The following UBXN2B variants were observed in gnomAD, a reference collection of about 807,000 sequenced individuals.
UBXN2B encodes UBX domain-containing protein 2B.
UBXN2B carries 19 observed loss-of-function variants against 37.5 expected under a neutral mutation model. The ratio of observed to expected loss-of-function variants is 0.51; its 90% CI spans 0.35 to 0.74. The LOEUF (loss-of-function observed/expected upper bound fraction) is 0.74, where lower values mean the gene tolerates loss of function less well. Ranked by LOEUF, UBXN2B falls within the 30% of genes least tolerant of loss-of-function variation. UBXN2B has a pLI of 0.01. For synonymous variants in UBXN2B, 145 were observed against 143.8 expected (o/e 1.01, Z -0.06); for missense variants, 370 against 393.2 (o/e 0.94, Z 0.50).
intron 7 of UBXN2B, 93 bp from the exon 8 acceptor site, chr8:58,447,296 T>G (rs1808704312): frequency 2.5e-6 from 3 of 1,213,542 alleles, no homozygotes; most frequent in Admixed American, 5.1e-5. Context: ...ATATAAAGAT[T>G]AAAATTTTGT....
chr8:58,447,067 G>T (rs1399200544), intron 7 of UBXN2B, among the ~76,000 whole-genome samples: 1 of 151,696 alleles, frequency 6.6e-6, no homozygotes, highest in Non-Finnish European at 1.5e-5. Context: ...CCAAAGTGCT[G>T]GAATTACAGG....
At chr8:58,433,023 ATTTT>A (rs1808322331) in intron 3 of UBXN2B, 133 bp from the exon 4 acceptor site, 3 of 579,400 alleles carry the variant, frequency 5.2e-6, no homozygotes, top group Non-Finnish European at 9.0e-6. Context: ...TCTTATGGTA[ATTTT>A]GGTTCTTGAA....
intron 6 of UBXN2B, 36 bp from the exon 7 acceptor site, chr8:58,445,871 A>T (rs1311681689): frequency 1.3e-6 from 2 of 1,535,324 alleles, no homozygotes; most frequent in African/African-American, 2.8e-5. Context: ...CATATATTTT[A>T]CACATTCAGA....
intron 2 of UBXN2B, chr8:58,424,694 G>GT (rs1808030903): frequency 7.5e-7 from 1 of 1,333,368 alleles, no homozygotes; most frequent in African/African-American, 1.5e-5. Flanking sequence ...AGGCGGGGGG[G>GT]GGGGCTCTGA....
At chr8:58,425,836 C>T in intron 2 of UBXN2B, 1 of 1,167,826 alleles carries the variant, frequency 8.6e-7, no homozygotes, top group Non-Finnish European at 1.3e-6. Context: ...CATCGTATTT[C>T]AGTTCCTGAC....
chr8:58,432,371 A>ATTT (rs1585609802), intron 3 of UBXN2B, among the ~76,000 whole-genome samples: 5 of 81,506 alleles, frequency 6.1e-5, no homozygotes, highest in East Asian at 3.9e-4. Flanking sequence ...ACCTTTCTAA[A>ATTT]TTTCTTTTTT....
Position 58,449,538 on chromosome 8 carries a change from T to C in UBXN2B, c.*1987T>C, listed in dbSNP as rs1236683120. ...GGACATAATTCCAACTGTGCACTTG[T>C]GAACCTAGAAAACAAGTTATCTGTT... On this transcript the variant is annotated 3_prime_UTR_variant, in exon 8 of 8. Coordinates refer to ENST00000399598, the MANE Select transcript of UBXN2B (RefSeq NM_001077619.2). 1 of 152,206 alleles carries C rather than the reference T, an allele frequency of 6.6e-6. No homozygotes were observed. The highest frequency in any genetic ancestry group is 1.5e-5 in the Non-Finnish European group (1 of 68,038). 9.4% of individuals were successfully genotyped at this position (152,206 alleles called of 1,614,324 possible).
chr8:58,412,283 A>G (rs1807658640), intron 1 of UBXN2B, among the ~76,000 whole-genome samples: 1 of 152,216 alleles, frequency 6.6e-6, no homozygotes, highest in African/African-American at 2.4e-5. Flanking sequence ...ACCACCATCC[A>G]TTGTAACATA....
chr8:58,435,428 G>A (rs957986001), intron 5 of UBXN2B, among the ~76,000 whole-genome samples: 6 of 152,182 alleles, frequency 3.9e-5, no homozygotes, highest in Non-Finnish European at 7.3e-5. Context: ...GTATGCTGAA[G>A]GCATTGGGAA....
chr8:58,424,931 C>G (rs766242851), intron 2 of UBXN2B: 11 of 434,610 alleles, frequency 2.5e-5, no homozygotes, highest in Admixed American at 1.5e-4. Context: ...ACACCTTTCT[C>G]TCTGTTGATG....
chr8:58,436,792 A>T (rs1336074369), intron 5 of UBXN2B, among the ~76,000 whole-genome samples: 1 of 152,164 alleles, frequency 6.6e-6, no homozygotes, highest in Non-Finnish European at 1.5e-5. Flanking sequence ...GCCTTCTACC[A>T]TGATTGTAAG....
chr8:58,431,208 G>A (rs1053048416), intron 3 of UBXN2B, among the ~76,000 whole-genome samples: 6 of 152,204 alleles, frequency 3.9e-5, no homozygotes, highest in African/African-American at 1.4e-4. Flanking sequence ...AACCAGCCGG[G>A]TGTGGTGGCT....
At chr8:58,423,967 A>G (rs1214607154) in intron 2 of UBXN2B, among the ~76,000 whole-genome samples, 1 of 152,038 alleles carries the variant, frequency 6.6e-6, no homozygotes, top group Non-Finnish European at 1.5e-5. Flanking sequence ...TTAATTCATA[A>G]ATATCCATGA....
At chr8:58,429,156 G>C (rs1277658766) in intron 2 of UBXN2B, among the ~76,000 whole-genome samples, 1 of 152,192 alleles carries the variant, frequency 6.6e-6, no homozygotes, top group Non-Finnish European at 1.5e-5. Context: ...AAAAAGGAAT[G>C]ATTATTCACT....
In UBXN2B at chr8:58,430,642, A is replaced by T; in HGVS notation, c.312A>T (p.Thr104=). The change falls in exon 3 of 8, where the codon ACA becomes ACT. Residue 104 remains threonine (T), a synonymous_variant. Transcript: ENST00000399598. The part of the protein sequence containing the change: ...EHGAVPLNEA[T]RASGDDKSKS... Reference sequence around the variant, plus strand: ...GGGCTGTCCCTCTGAATGAAGCCACAAGAGCTTCAGGTGATGATAAATCTA... The same window carrying T: ...GGGCTGTCCCTCTGAATGAAGCCACTAGAGCTTCAGGTGATGATAAATCTA... The T allele has an allele frequency of 6.3e-7, 1 of 1,586,964 alleles. No homozygotes were observed.
intron 5 of UBXN2B, among the ~76,000 whole-genome samples, chr8:58,438,982 T>C (rs1353474020): frequency 6.6e-6 from 1 of 152,120 alleles, no homozygotes; most frequent in African/African-American, 2.4e-5. Context: ...ACCCCGGTAG[T>C]TCACTCAAGA....
chr8:58,442,986 A>G (rs1808586386), intron 6 of UBXN2B, among the ~76,000 whole-genome samples: 1 of 152,156 alleles, frequency 6.6e-6, no homozygotes, highest in Non-Finnish European at 1.5e-5. Flanking sequence ...ACTTTATCTC[A>G]GCTCCTCAAC....
chr8:58,414,323 A>G (rs1208785199), intron 1 of UBXN2B, among the ~76,000 whole-genome samples: 2 of 152,182 alleles, frequency 1.3e-5, no homozygotes, highest in Admixed American at 6.5e-5. Context: ...AGAAGTTCCC[A>G]GGTGTCTGTA....
At chr8:58,435,585 C>T (rs1051818281) in intron 5 of UBXN2B, among the ~76,000 whole-genome samples, 18 of 151,790 alleles carry the variant, frequency 1.2e-4, no homozygotes, top group East Asian at 3.9e-4. Context: ...ATTGGCTAAG[C>T]GAAAACCAAC....
Sources: allele counts gnomAD v4.1 joint callset (sites outside exome capture counted in the v4.1 genomes callset), GRCh38; gene constraint gnomAD v4.1.1; transcripts MANE v1.5; gene names NCBI Gene and HGNC (gene_info 2026-07-23, HGNC 2026-07-21).